The following PCDHA9 variants were observed in gnomAD, a reference collection of about 807,000 sequenced individuals.
PCDHA9 encodes the protein protocadherin alpha-9.
PCDHA9 carries 62 observed loss-of-function variants against 62.0 expected under a neutral mutation model. That is an observed-to-expected ratio of 1.00 (90% CI 0.81 to 1.23). PCDHA9 has a LOEUF of 1.23. Among genes scored for constraint, PCDHA9 ranks in the 50% most tolerant of loss-of-function variants. The pLI, the probability that PCDHA9 is intolerant of heterozygous loss-of-function variation, is 0.00. For synonymous variants in PCDHA9, 557 were observed against 567.6 expected, an observed-to-expected ratio of 0.98 and a Z score of 0.27; for missense variants, 1,205 against 1,249.8, an observed-to-expected ratio of 0.96 and a Z score of 0.54.
At chr5:140,955,552 C>T (rs1554221978) in intron 1 of PCDHA9, among the ~76,000 whole-genome samples, 2 of 152,092 alleles carry the variant, frequency 1.3e-5, no homozygotes, top group African/African-American at 4.8e-5. Flanking sequence ...TTGAGGCCTC[C>T]CCAGCCATAC....
rs1052880282 is a variant in PCDHA9 at position 140,969,588 on chromosome 5, T to C, written c.2395-9361T>C. On this transcript the variant is annotated intron_variant, in intron 1 of 3. Coordinates refer to ENST00000532602, the MANE Select transcript of PCDHA9 (RefSeq NM_031857.2). ...TTGTTTGAGAAGTGAGGATTAGTCT[T>C]AATATTTAATGCTAAAACACAGATT... 31 of 849,754 alleles carry C rather than the reference T, an allele frequency of 3.6e-5. No individual in the cohort carries two copies. The African/African-American group carries it at 5.3e-4, about 15-fold the overall frequency. The allele number at this position is 849,754 out of a possible 1,614,324, so 52.6% of individuals were successfully genotyped here. A position where few individuals can be genotyped will look rare whatever the true frequency, so the allele number is the denominator to read the frequency against.
chr5:140,881,099 C>G (rs1554171750), intron 1 of PCDHA9, among the ~76,000 whole-genome samples: 1 of 152,108 alleles, frequency 6.6e-6, no homozygotes, highest in East Asian at 1.9e-4. Flanking sequence ...TTCATTACAC[C>G]ATTTGGCCTG....
intron 1 of PCDHA9, among the ~76,000 whole-genome samples, chr5:140,899,127 C>G (rs1487430888): frequency 2.0e-4 from 30 of 152,302 alleles, no homozygotes; most frequent in African/African-American, 7.0e-4. Context: ...ACAATCATGT[C>G]TTCTGCAAAC....
intron 1 of PCDHA9, chr5:140,969,232 C>A (rs138367129): frequency 1.9e-4 from 314 of 1,614,066 alleles, no homozygotes; most frequent in Non-Finnish European, 2.5e-4. Flanking sequence ...CTTCGGGAGC[C>A]CAAGCAGCAG....
intron 1 of PCDHA9, chr5:140,929,452 T>C: frequency 1.5e-6 from 2 of 1,366,592 alleles, no homozygotes; most frequent in Non-Finnish European, 2.0e-6. Context: ...TTCTTAGCAC[T>C]TCCTGTGCCA....
chr5:140,870,252 G>C lies in PCDHA9; in HGVS notation c.2394+19363G>C, dbSNP rs782545691. On this transcript the variant is annotated intron_variant, in intron 1 of 3. Coordinates refer to ENST00000532602, the MANE Select transcript of PCDHA9 (RefSeq NM_031857.2). ...ACCGTGACTCAGGTGTCAACGGACA[G>C]GTGACCTGCTCGCTGACGCCCCACG... The C allele has an allele frequency of 4.3e-6, 7 of 1,614,080 alleles. No homozygotes were observed. The South Asian group carries it at 7.7e-5, about 18-fold the overall frequency.
chr5:140,945,635 T>C (rs1200996842), intron 1 of PCDHA9, among the ~76,000 whole-genome samples: 1 of 152,024 alleles, frequency 6.6e-6, no homozygotes, highest in Admixed American at 6.5e-5. Context: ...ATAAAAGACA[T>C]GTAGACCAAT....
At chr5:140,969,347 G>C (rs1554231707) in intron 1 of PCDHA9, 1 of 1,613,472 alleles carries the variant, frequency 6.2e-7, no homozygotes, top group South Asian at 1.1e-5. Context: ...ACAGTGGTCA[G>C]GGGGTCTTCT....
intron 1 of PCDHA9, among the ~76,000 whole-genome samples, chr5:140,952,816 C>T (rs2094802630): frequency 6.6e-6 from 1 of 152,134 alleles, no homozygotes; most frequent in South Asian, 2.1e-4. Context: ...GCAGGCTGTA[C>T]AGGAAGCATG....
At chr5:140,906,030 T>G (rs1554192342) in intron 1 of PCDHA9, among the ~76,000 whole-genome samples, 1 of 152,196 alleles carries the variant, frequency 6.6e-6, no homozygotes, top group Non-Finnish European at 1.5e-5. Flanking sequence ...CACGTTCTTC[T>G]GTCTGCTTTT....
intron 1 of PCDHA9, chr5:140,852,198 T>G (rs2150513327): frequency 1.4e-6 from 1 of 691,814 alleles, no homozygotes; most frequent in Non-Finnish European, 1.8e-6. Context: ...CCAGTAACGT[T>G]TATTTAAAAC....
At chr5:140,882,993 T>G (rs1554176415) in intron 1 of PCDHA9, 2 of 1,614,080 alleles carry the variant, frequency 1.2e-6, no homozygotes, top group Non-Finnish European at 1.7e-6. Flanking sequence ...GCCCCGGAAT[T>G]TTACCAATCC....
intron 3 of PCDHA9, among the ~76,000 whole-genome samples, chr5:140,984,004 A>G (rs1039333145): frequency 6.6e-6 from 1 of 152,196 alleles, no homozygotes; most frequent in Admixed American, 6.5e-5. Context: ...TTAGAGAGCT[A>G]ATATTGCCAG....
chr5:140,981,465 T>C (rs1226815704), intron 2 of PCDHA9, among the ~76,000 whole-genome samples: 2 of 152,116 alleles, frequency 1.3e-5, no homozygotes, highest in Non-Finnish European at 1.5e-5. Context: ...TCCCAGCTAC[T>C]TGGGAGGCTG....
rs181578390 is a variant in PCDHA9, at chr5:140,923,666, G to A, written c.2395-55283G>A. Among the ~76,000 whole-genome samples, 434 of 152,230 alleles carry A rather than the reference G, an allele frequency of 2.9e-3. 2 individuals are homozygous for A. Among genetic ancestry groups the A allele is most frequent in the Middle Eastern group, 0.014 (4 of 294 alleles). On this transcript the variant is annotated intron_variant, in intron 1 of 3. Coordinates refer to ENST00000532602, the MANE Select transcript of PCDHA9 (RefSeq NM_031857.2). ...TAGCCTCCCTTATCTTTGGGATATC[G>A]TTCTCTCTTAAATGTTGCTTTCTCA...
At chr5:140,942,260 T>TA (rs2093256424) in intron 1 of PCDHA9, among the ~76,000 whole-genome samples, 1 of 152,086 alleles carries the variant, frequency 6.6e-6, no homozygotes, top group African/African-American at 2.4e-5. Flanking sequence ...AAAAGATATC[T>TA]AAAGCTGGTA....
intron 1 of PCDHA9, chr5:140,881,246 G>A (rs1006093115): frequency 4.8e-6 from 2 of 415,054 alleles, no homozygotes; most frequent in Non-Finnish European, 6.5e-6. Flanking sequence ...TTAAATGACG[G>A]CAAGGTTTTA....
chr5:140,852,930 G>C (rs1581296305), intron 1 of PCDHA9: 3 of 621,568 alleles, frequency 4.8e-6, no homozygotes, highest in Admixed American at 1.3e-4. Context: ...CCAGGCTGGA[G>C]TGCAGTGGTG....
intron 1 of PCDHA9, among the ~76,000 whole-genome samples, chr5:140,962,961 T>C (rs1483172996): frequency 1.3e-5 from 2 of 152,148 alleles, no homozygotes; most frequent in African/African-American, 4.8e-5. Flanking sequence ...TCTATCCCTA[T>C]ATAGGAAATT....
Sources: allele counts gnomAD v4.1 joint callset (sites outside exome capture counted in the v4.1 genomes callset), GRCh38; gene constraint gnomAD v4.1.1; transcripts MANE v1.5; gene names NCBI Gene and HGNC (gene_info 2026-07-23, HGNC 2026-07-21).